MYO3B: variants seen among roughly 807,000 people sequenced by gnomAD.
The protein encoded by MYO3B is myosin IIIB.
In MYO3B, 156 loss-of-function variants were observed where a neutral mutation model predicts 174.6. The ratio of observed to expected loss-of-function variants is 0.89; its 90% confidence interval spans 0.78 to 1.02. MYO3B has a LOEUF of 1.02. Among genes scored for constraint, MYO3B ranks in the 50% least tolerant of loss-of-function variants. The pLI is 0.00. For missense variants in MYO3B, 1,632 were observed against 1,639.4 expected (o/e 1.00, Z 0.08); for synonymous variants, 563 against 569.1 (o/e 0.99, Z 0.15).
In MYO3B at chr2:170,573,184, A is replaced by G. The variant is rs541982531; in HGVS notation, c.3733+29196A>G. Among the ~76,000 whole-genome samples the G allele has an allele frequency of 2.0e-4, 30 of 150,204 alleles. No homozygotes were observed. In the South Asian group the frequency reaches 5.5e-3, roughly 27 times the overall value. The stretch of plus-strand genomic sequence containing the variant: ...ATATATATACACCTAGTATACATAT[A>G]TATGTAGTAAACATATGTAATAAAC... On this transcript the variant is annotated intron_variant, in intron 32 of 34. Coordinates refer to ENST00000408978, the MANE Select transcript of MYO3B (RefSeq NM_138995.5).
chr2:170,319,667 CA>C (rs2093801271), intron 7 of MYO3B, among the ~76,000 whole-genome samples: 1 of 152,058 alleles, frequency 6.6e-6, no homozygotes, highest in Non-Finnish European at 1.5e-5. Flanking sequence ...TTAGTCTACA[CA>C]ACTGAAAATC....
At chr2:170,322,186 C>A (rs1430135697) in intron 7 of MYO3B, among the ~76,000 whole-genome samples, 2 of 151,906 alleles carry the variant, frequency 1.3e-5, no homozygotes. Flanking sequence ...CCACTCCCAC[C>A]CCAGGAAGTG....
At chr2:170,236,195 G>C in intron 7 of MYO3B, 59 bp downstream of exon 7, 1 of 1,601,414 alleles carries the variant, frequency 6.2e-7, no homozygotes, top group Non-Finnish European at 8.5e-7. Context: ...TCTGGTTAGA[G>C]GGATAATAAA....
At chr2:170,257,926 ACTTATGAACAC>A (rs1345769694) in intron 7 of MYO3B, among the ~76,000 whole-genome samples, 2 of 152,132 alleles carry the variant, frequency 1.3e-5, no homozygotes, top group African/African-American at 4.8e-5. Context: ...GTCTTCAGAA[ACTTATGAACAC>A]CTTCATGAAC....
At chr2:170,242,855 A>G (rs1455649305) in intron 7 of MYO3B, among the ~76,000 whole-genome samples, 2 of 152,234 alleles carry the variant, frequency 1.3e-5, no homozygotes, top group African/African-American at 4.8e-5. Context: ...ACAGAGCTCA[A>G]AATTGTGCTA....
chr2:170,572,550 G>C (rs1266263248), intron 32 of MYO3B, among the ~76,000 whole-genome samples: 1 of 151,140 alleles, frequency 6.6e-6, no homozygotes, highest in Non-Finnish European at 1.5e-5. Context: ...AGGAGCTTGA[G>C]GCTGCAGTGA....
In MYO3B at chr2:170,382,063, A is replaced by G; in HGVS notation, c.1019A>G (p.Glu340Gly). Residue 340 changes from glutamate to glycine, a missense_variant, in exon 10 of 35, where the codon GAA becomes GGA. By Grantham distance (98) the Glu-to-Gly change is moderately conservative (BLOSUM62 -2). Coordinates refer to ENST00000408978, the MANE Select transcript of MYO3B (RefSeq NM_138995.5). ...TRRPYHVEDA[E>G]KYCLEDDLVN... The stretch of plus-strand genomic sequence containing the variant: ...AGACCTTATCATGTGGAAGATGCTG[A>G]AAAATACTGCCTTGAGGATGATTTG... The G allele has an allele frequency of 6.2e-7, 1 of 1,613,638 alleles. No homozygotes were observed. The highest frequency in any genetic ancestry group is 8.5e-7 in the Non-Finnish European group (1 of 1,179,628).
chr2:170,208,610 C>A (rs537386326), intron 3 of MYO3B, among the ~76,000 whole-genome samples: 2 of 152,156 alleles, frequency 1.3e-5, no homozygotes, highest in African/African-American at 2.4e-5. Flanking sequence ...TTCACAGGAA[C>A]AAGCAGGGTT....
chr2:170,480,630 C>T (rs922429155), intron 25 of MYO3B, among the ~76,000 whole-genome samples: 2 of 152,142 alleles, frequency 1.3e-5, no homozygotes, highest in African/African-American at 4.8e-5. Context: ...ACTGGCATTG[C>T]GGGGTGGGGA....
intron 1 of MYO3B, among the ~76,000 whole-genome samples, chr2:170,185,284 C>T (rs1281925968): frequency 6.6e-6 from 1 of 152,134 alleles, no homozygotes; most frequent in Non-Finnish European, 1.5e-5. Flanking sequence ...CCATTGTTTT[C>T]TTTGAGTAGT....
intron 8 of MYO3B, among the ~76,000 whole-genome samples, chr2:170,337,683 A>G (rs2093954565): frequency 6.6e-6 from 1 of 152,232 alleles, no homozygotes; most frequent in East Asian, 1.9e-4. Context: ...CAAAACCTTA[A>G]CTACTGATAG....
chr2:170,561,247 T>C (rs1691692395), intron 32 of MYO3B, among the ~76,000 whole-genome samples: 1 of 152,224 alleles, frequency 6.6e-6, no homozygotes, highest in Non-Finnish European at 1.5e-5. Flanking sequence ...CTCCCTCTCA[T>C]CTACCACCCT....
chr2:170,547,678 T>C (rs1467163325), intron 32 of MYO3B, among the ~76,000 whole-genome samples: 1 of 152,238 alleles, frequency 6.6e-6, no homozygotes, highest in African/African-American at 2.4e-5. Flanking sequence ...CTGATACTTT[T>C]GTGGAATACA....
intron 8 of MYO3B, among the ~76,000 whole-genome samples, chr2:170,362,454 C>A (rs2094168670): frequency 6.6e-6 from 1 of 152,198 alleles, no homozygotes; most frequent in Admixed American, 6.5e-5. Context: ...ATGGCAGCTG[C>A]CCTGTCGTCC....
intron 1 of MYO3B, among the ~76,000 whole-genome samples, chr2:170,194,483 C>T (rs1428290558): frequency 6.8e-6 from 1 of 147,806 alleles, no homozygotes; most frequent in South Asian, 2.1e-4. Context: ...CCAGCCTAGA[C>T]AACAGAGGAA....
rs1698196366 is a variant in MYO3B at position 170,644,191 on chromosome 2, C to G, written c.3734-7437C>G. 2.0e-5 allele frequency among the ~76,000 whole-genome samples: 3 copies of G among 152,022 alleles called. No homozygotes were observed. The South Asian group carries it at 6.2e-4, about 32-fold the overall frequency. On this transcript the variant is annotated intron_variant, in intron 32 of 34. Coordinates refer to ENST00000408978, the MANE Select transcript of MYO3B (RefSeq NM_138995.5). ...TCAGCTAGATTTGAATCTCAAATAA[C>G]CAATCATTTTTTAATATGTCTTAAA...
chr2:170,508,124 G>T lies in MYO3B; in HGVS notation c.3370+6259G>T, dbSNP rs6748344. Among the ~76,000 whole-genome samples the T allele has an allele frequency of 3.9e-3, 598 of 151,984 alleles. 4 individuals are homozygous for T. Among genetic ancestry groups the T allele is most frequent in the Middle Eastern group, 0.021 (6 of 292 alleles). On this transcript the variant is annotated intron_variant, in intron 28 of 34. Transcript: ENST00000408978. ...AAGATGAAACTTTTGTGCAACAGTA[G>T]GTACCCCTAGGACTCGATATTATAA...
At chr2:170,351,182 C>T (rs888502233) in intron 8 of MYO3B, 2 of 152,152 alleles carry the variant, frequency 1.3e-5, no homozygotes, top group Non-Finnish European at 2.9e-5. Context: ...CCGCAGGTAT[C>T]AAGAGCAGTG....
chr2:170,501,260 C>A (rs919585447), intron 27 of MYO3B, among the ~76,000 whole-genome samples: 1 of 152,184 alleles, frequency 6.6e-6, no homozygotes, highest in East Asian at 1.9e-4. Flanking sequence ...GCATACCTCT[C>A]GGCACAGAAT....
Sources: gnomAD v4.1 joint callset for allele counts (sites outside exome capture counted in the v4.1 genomes callset) on GRCh38, gnomAD v4.1.1 for gene constraint, MANE v1.5 for transcripts, NCBI Gene and HGNC (gene_info 2026-07-23, HGNC 2026-07-21) for gene names.